IRF5: variants seen among roughly 807,000 people sequenced by gnomAD.
IRF5 encodes the protein interferon regulatory factor 5.
In IRF5, 24 loss-of-function variants were observed where a neutral mutation model predicts 55.1. The observed-to-expected ratio is 0.44, with a 90% CI of 0.32 to 0.61. IRF5 has a LOEUF of 0.61. Among genes scored for constraint, IRF5 ranks in the 20% least tolerant of loss-of-function variants. IRF5 has a pLI of 0.07. For missense variants in IRF5, 499 were observed against 658.5 expected, an observed-to-expected ratio of 0.76 and a Z score of 2.65; for synonymous variants, 258 against 260.2, an observed-to-expected ratio of 0.99 and a Z score of 0.08.
At chr7:128,942,042 T>G in intron 1 of IRF5, 29 bp from the exon 2 acceptor site, 1 of 1,551,456 alleles carries the variant, frequency 6.4e-7, no homozygotes, top group Non-Finnish European at 8.7e-7. Context: ...GCAGACCTGC[T>G]GAGGCTCCCC....
chr7:128,944,038 G>A (rs1459526520), intron 2 of IRF5, among the ~76,000 whole-genome samples: 3 of 152,106 alleles, frequency 2.0e-5, no homozygotes, highest in Non-Finnish European at 4.4e-5. Flanking sequence ...GATGTACCTC[G>A]CATAATAGTT....
At chr7:128,942,929 T>A (rs532377158) in intron 2 of IRF5, 3 of 153,690 alleles carry the variant, frequency 2.0e-5, no homozygotes, top group African/African-American at 7.2e-5. Context: ...AAACTATTTT[T>A]AATATAAGAT....
chr7:128,947,157 G>A lies in IRF5; in HGVS notation c.482-73G>A, dbSNP rs1437053404. On this transcript the variant is annotated intron_variant, in intron 5 of 8. Transcript: ENST00000357234. The surrounding 1 kb of genome is among the most constrained non-coding windows in gnomAD (Gnocchi z 6.5). ...TGATGGGAGGCTAGGGTGGCCCAGGGCTGGGAGGAGGTGTGCCTGGGAGGC... is the reference window on the plus strand; with the variant it reads ...TGATGGGAGGCTAGGGTGGCCCAGGACTGGGAGGAGGTGTGCCTGGGAGGC... The A allele has an allele frequency of 2.5e-6, 4 of 1,607,684 alleles. No individual in the cohort carries two copies. The highest frequency in any genetic ancestry group is 4.5e-5 in the East Asian group (2 of 44,814).
At chr7:128,943,446 A>C (rs1213979457) in intron 2 of IRF5, among the ~76,000 whole-genome samples, 1 of 149,286 alleles carries the variant, frequency 6.7e-6, no homozygotes, top group East Asian at 2.0e-4. Context: ...GCAGTGGTGC[A>C]GTCATAGCAC....
chr7:128,947,432 G>T lies in IRF5; in HGVS notation c.684G>T (p.Glu228Asp), dbSNP rs368258981. The T allele has an allele frequency of 6.2e-7, 1 of 1,611,832 alleles. No individual in the cohort carries two copies. The highest frequency in any genetic ancestry group is 1.7e-5 in the Admixed American group (1 of 59,870). ...CTGGCAACCCTGCTGGCTTCAGGGAGCTTCTCTCTGAGGTCCTGGAGCCTG... is the reference window on the plus strand; with the variant it reads ...CTGGCAACCCTGCTGGCTTCAGGGATCTTCTCTCTGAGGTCCTGGAGCCTG... ...PPPGNPAGFR[E>D]LLSEVLEPGP... The change falls in exon 6 of 9, where the codon GAG becomes GAT. Residue 228 changes from glutamate to aspartate, a missense_variant. By Grantham distance (45) the Glu-to-Asp change is conservative. Transcript: ENST00000357234. This position sits in a 1 kb window ranked among gnomAD's most constrained non-coding sequence, Gnocchi z 6.5.
In IRF5 at chr7:128,947,185, TTC is replaced by T; in HGVS notation, c.482-44_482-43del. 7 of 1,599,350 alleles carry T rather than the reference TTC, an allele frequency of 4.4e-6. No homozygotes were observed. The highest frequency in any genetic ancestry group is 6.0e-6 in the Non-Finnish European group (7 of 1,171,588). On this transcript the variant is annotated intron_variant, in intron 5 of 8. Coordinates refer to ENST00000357234, the MANE Select transcript of IRF5 (RefSeq NM_001098629.3). The surrounding 1 kb of genome is among the most constrained non-coding windows in gnomAD (Gnocchi z 6.5). Reference sequence around the variant, plus strand: ...GGGAGGAGGTGTGCCTGGGAGGCAGTTCGTGGAGGTGGCACTGACAGCCGTCC... The same window carrying T: ...GGGAGGAGGTGTGCCTGGGAGGCAGTGTGGAGGTGGCACTGACAGCCGTCC...
rs543652395 is a variant in IRF5 at position 128,941,894 on chromosome 7, A to G, written c.-11-177A>G. Among the ~76,000 whole-genome samples the G allele has an allele frequency of 2.6e-5, 4 of 152,346 alleles. No individual in the cohort carries two copies. The East Asian group carries it at 7.7e-4, about 29-fold the overall frequency. The stretch of plus-strand genomic sequence containing the variant: ...CTCGTAACTCTCCTTCCCTTCCTCC[A>G]AACACAAAATTCCATGACACTAGAC... On this transcript the variant is annotated intron_variant, in intron 1 of 8. Transcript: ENST00000357234.
intron 1 of IRF5, chr7:128,940,411 A>T (rs1795957813): frequency 6.6e-6 from 1 of 152,184 alleles, no homozygotes; most frequent in Non-Finnish European, 1.5e-5. Context: ...GGTGACTGGC[A>T]CCCCTCTATT....
In IRF5 at chr7:128,945,884, G is replaced by C. The variant is rs1796274207; in HGVS notation, c.235G>C (p.Asp79His). ...GACAGGGAAATACACCGAAGGCGTG[G>C]ATGAAGCCGATCCGGCCAAGTGGAA... ...KETGKYTEGVDEADPAKWKAN... is the reference protein window; with the variant it reads ...KETGKYTEGVHEADPAKWKAN... Residue 79 changes from aspartate (D) to histidine (H), a missense_variant, in exon 3 of 9, where the codon GAT (aspartate) becomes CAT (histidine). This residue lies in a region of IRF5 where 305 missense variants were observed against 340.2 expected (regional missense o/e 0.90). Transcript: ENST00000357234. 2 of 1,613,298 alleles carry C rather than the reference G, an allele frequency of 1.2e-6. No individual in the cohort carries two copies. The highest frequency in any genetic ancestry group is 1.7e-5 in the Admixed American group (1 of 59,756).
At chr7:128,945,265 A>G (rs1796236635) in intron 2 of IRF5, among the ~76,000 whole-genome samples, 1 of 152,044 alleles carries the variant, frequency 6.6e-6, no homozygotes, top group African/African-American at 2.4e-5. Flanking sequence ...GGCACCCACC[A>G]CTATGCCCAG....
chr7:128,942,096 C>T lies in IRF5; in HGVS notation c.15C>T (p.Ile5=). 6.2e-7 allele frequency: 1 copy of T among 1,608,696 alleles called. No individual in the cohort carries two copies. Among genetic ancestry groups the T allele is most frequent in the Non-Finnish European group, 8.5e-7 (1 of 1,177,786 alleles). The change falls in exon 2 of 9, where the codon ATC becomes ATT. Residue 5 remains isoleucine (I), a synonymous_variant. Transcript: ENST00000357234. The stretch of plus-strand genomic sequence containing the variant: ...ACCCCTCTGCCATGAACCAGTCCAT[C>T]CCAGTGGCTCCCACCCCACCCCGCC... MNQS[I]PVAPTPPRRV...
Position 128,947,612 on chromosome 7 carries a change from T to C in IRF5, c.787+77T>C. 1 of 1,515,430 alleles carries C rather than the reference T, an allele frequency of 6.6e-7. No individual in the cohort carries two copies. The highest frequency in any genetic ancestry group is 8.8e-7 in the Non-Finnish European group (1 of 1,138,482). The allele number at this position is 1,515,430 out of a possible 1,614,324, so 93.9% of individuals were successfully genotyped here. A position where few individuals can be genotyped will look rare whatever the true frequency, so the allele number is the denominator to read the frequency against. On this transcript the variant is annotated intron_variant, in intron 6 of 8. Transcript: ENST00000357234. This position sits in a 1 kb window ranked among gnomAD's most constrained non-coding sequence, Gnocchi z 6.5. Reference sequence around the variant, plus strand: ...GATTGGCAAGGAGGGTGGAGGGTGCTGGACTCCCTTGGGTGGGAAAAGTGG... The same window carrying C: ...GATTGGCAAGGAGGGTGGAGGGTGCCGGACTCCCTTGGGTGGGAAAAGTGG...
In IRF5 at chr7:128,947,350, A is replaced by G. The variant is rs2935017; in HGVS notation, c.602A>G (p.Gln201Arg). 3 of 1,593,858 alleles carry G rather than the reference A, an allele frequency of 1.9e-6. No individual in the cohort carries two copies. The highest frequency in any genetic ancestry group is 2.3e-5 in the East Asian group (1 of 44,102). The part of the protein sequence containing the change: ...RPPTLQPPTL[Q>R]PPVVLGPPAP... ...CCTACTCTGCAGCCGCCCACTCTGC[A>G]GCCGCCCGTGGTGCTGGGTCCCCCT... The change falls in exon 6 of 9, where the codon CAG (glutamine) becomes CGG (arginine). Residue 201 changes from glutamine to arginine, a missense_variant. By Grantham distance (43) the Gln-to-Arg change is conservative. Transcript: ENST00000357234. This position sits in a 1 kb window ranked among gnomAD's most constrained non-coding sequence, Gnocchi z 6.5.
Position 128,948,102 on chromosome 7 carries a change from C to A in IRF5, c.1161C>A (p.Ser387Arg). 6.2e-7 allele frequency: 1 copy of A among 1,613,950 alleles called. No homozygotes were observed. Among genetic ancestry groups the A allele is most frequent in the Non-Finnish European group, 8.5e-7 (1 of 1,179,828 alleles). The change falls in exon 7 of 9, where the codon AGC becomes AGA. Residue 387 changes from serine (S) to arginine (R), a missense_variant. Coordinates refer to ENST00000357234, the MANE Select transcript of IRF5 (RefSeq NM_001098629.3). This position sits in a 1 kb window ranked among gnomAD's most constrained non-coding sequence, Gnocchi z 4.6. ...GGGAGGTCAAGACCAAGCTTTTCAGCCTGGAGCATTTTCTCAATGGTGAGG... is the reference window on the plus strand; with the variant it reads ...GGGAGGTCAAGACCAAGCTTTTCAGACTGGAGCATTTTCTCAATGGTGAGG... ...IQREVKTKLF[S>R]LEHFLNELIL...
chr7:128,947,222 C>A lies in IRF5; in HGVS notation c.482-8C>A. 5 of 1,599,890 alleles carry A rather than the reference C, an allele frequency of 3.1e-6. No homozygotes were observed. The highest frequency in any genetic ancestry group is 1.1e-5 in the South Asian group (1 of 88,848). On this transcript the variant is annotated splice_region_variant and splice_polypyrimidine_tract_variant and intron_variant, in intron 5 of 8. Coordinates refer to ENST00000357234, the MANE Select transcript of IRF5 (RefSeq NM_001098629.3). The surrounding 1 kb of genome is among the most constrained non-coding windows in gnomAD (Gnocchi z 6.5). ...GCACTGACAGCCGTCCACACGCACT[C>A]TCTGTAGATGCAGTGCAGTCTGGCC...
chr7:128,941,839 ACCTGGGGCCGCG>A (rs1796038797), intron 1 of IRF5, among the ~76,000 whole-genome samples: 1 of 152,162 alleles, frequency 6.6e-6, no homozygotes, highest in Non-Finnish European at 1.5e-5. Context: ...GGTAAAGGGC[ACCTGGGGCCGCG>A]CCCGCAGCAT....
At chr7:128,945,118 C>T in intron 2 of IRF5, among the ~76,000 whole-genome samples, 1 of 152,116 alleles carries the variant, frequency 6.6e-6, no homozygotes, top group East Asian at 1.9e-4. Context: ...ACATCAACTC[C>T]CCTCATCTTT....
rs982197649 is a variant in IRF5 at position 128,946,364 on chromosome 7, C to T, written c.386-137C>T. 7.0e-5 allele frequency: 75 copies of T among 1,069,328 alleles called. No individual in the cohort carries two copies. The highest frequency in any genetic ancestry group is 9.3e-5 in the Non-Finnish European group (69 of 742,272). The allele number at this position is 1,069,328 out of a possible 1,614,324, so 66.2% of individuals were successfully genotyped here. A position where few individuals can be genotyped will look rare whatever the true frequency, so the allele number is the denominator to read the frequency against. ...TTCCCAATCCTGGTGGCTGTGCCCT[C>T]CACCTCGCCCTGTGTTGGGGGCAGC... is the stretch of plus-strand genomic sequence containing the variant. On this transcript the variant is annotated intron_variant, in intron 3 of 8. Coordinates refer to ENST00000357234, the MANE Select transcript of IRF5 (RefSeq NM_001098629.3). This position sits in a 1 kb window ranked among gnomAD's most constrained non-coding sequence, Gnocchi z 4.2.
chr7:128,938,480 G>T (rs2128956003), intron 1 of IRF5, among the ~76,000 whole-genome samples: 1 of 152,334 alleles, frequency 6.6e-6, no homozygotes, highest in South Asian at 2.1e-4. Context: ...AGCGAGGCCC[G>T]ATCCTTACTT....
Sources: allele counts gnomAD v4.1 joint callset (sites outside exome capture counted in the v4.1 genomes callset), GRCh38; gene constraint gnomAD v4.1.1; regional missense constraint gnomAD v4.1.1; non-coding constraint Gnocchi (gnomAD v3.1); transcripts MANE v1.5; gene names NCBI Gene and HGNC (gene_info 2026-07-23, HGNC 2026-07-21).